The following DNM3 variants were observed in gnomAD, a reference collection of about 807,000 sequenced individuals.
The protein encoded by DNM3 is dynamin-3.
DNM3 carries 47 observed loss-of-function variants against 101.6 expected under a neutral mutation model. The ratio of observed to expected loss-of-function variants is 0.46; its 90% CI spans 0.37 to 0.59. The LOEUF is 0.59. DNM3 is among the 20% of genes least tolerant of loss of function. The probability of loss-of-function intolerance (pLI) is 0.00; values close to 1 mark genes in which losing one functional copy is unlikely to be tolerated. For synonymous variants in DNM3, 385 were observed against 387.9 expected, an observed-to-expected ratio of 0.99 and a Z score of 0.09; for missense variants, 849 against 1,085.7, an observed-to-expected ratio of 0.78 and a Z score of 3.06.
At chr1:171,887,038 A>T (rs1407784511) in intron 1 of DNM3, among the ~76,000 whole-genome samples, 1 of 152,230 alleles carries the variant, frequency 6.6e-6, no homozygotes, top group Admixed American at 6.5e-5. Flanking sequence ...AGGTAGATTT[A>T]TTAGGTAATT....
intron 13 of DNM3, among the ~76,000 whole-genome samples, chr1:172,096,338 C>T (rs78061573): frequency 0.019 from 2,866 of 152,246 alleles, 79 homozygotes; most frequent in East Asian, 0.13. Flanking sequence ...TAAGCACAAT[C>T]ATATTAACAT....
At chr1:172,091,416 C>A (rs1411886392) in intron 12 of DNM3, among the ~76,000 whole-genome samples, 1 of 151,994 alleles carries the variant, frequency 6.6e-6, no homozygotes, top group South Asian at 2.1e-4. Flanking sequence ...GGGAGGGATG[C>A]GGTTATAAAT....
chr1:172,088,409 A>G (rs1054750487), intron 12 of DNM3, among the ~76,000 whole-genome samples: 4 of 152,142 alleles, frequency 2.6e-5, no homozygotes, highest in Non-Finnish European at 5.9e-5. Context: ...TATGCATTTC[A>G]GGGAACTAAT....
At chr1:172,220,413 G>T (rs2148560957) in intron 14 of DNM3, among the ~76,000 whole-genome samples, 1 of 152,256 alleles carries the variant, frequency 6.6e-6, no homozygotes, top group East Asian at 1.9e-4. Context: ...TAAAAATATG[G>T]AGAATGGGGG....
At chr1:172,363,231 A>G (rs982787403) in intron 17 of DNM3, among the ~76,000 whole-genome samples, 1 of 151,910 alleles carries the variant, frequency 6.6e-6, no homozygotes, top group African/African-American at 2.4e-5. Flanking sequence ...ATTTTGTATG[A>G]AAGATTTCTA....
At chr1:171,893,402 A>T (rs1478963309) in intron 1 of DNM3, among the ~76,000 whole-genome samples, 1 of 151,974 alleles carries the variant, frequency 6.6e-6, no homozygotes, top group African/African-American at 2.4e-5. Context: ...CAAAACCTAT[A>T]AAGTAAGGTT....
intron 14 of DNM3, among the ~76,000 whole-genome samples, chr1:172,222,612 GA>G (rs956706893): frequency 6.6e-6 from 1 of 152,086 alleles, no homozygotes; most frequent in African/African-American, 2.4e-5. Context: ...CACATAAGAA[GA>G]AAAAATTGGA....
chr1:171,898,719 G>A (rs1355552259), intron 1 of DNM3, among the ~76,000 whole-genome samples: 1 of 150,464 alleles, frequency 6.6e-6, no homozygotes, highest in Non-Finnish European at 1.5e-5. Flanking sequence ...GAGAGAGAGA[G>A]AAATCATATT....
At chr1:172,318,401 A>G (rs1175018534) in intron 16 of DNM3, among the ~76,000 whole-genome samples, 1 of 152,164 alleles carries the variant, frequency 6.6e-6, no homozygotes, top group Non-Finnish European at 1.5e-5. Context: ...ATCAGGCAGG[A>G]GAAGGAAATA....
rs571803894 is a variant in DNM3, at chr1:171,861,081, C to T, written c.161+19264C>T. 2.2e-4 allele frequency among the ~76,000 whole-genome samples: 34 copies of T among 152,218 alleles called. No homozygotes were observed. In the South Asian group the frequency reaches 6.9e-3, roughly 31 times the overall value. On this transcript the variant is annotated intron_variant, in intron 1 of 20. Transcript: ENST00000627582. Reference sequence around the variant, plus strand: ...CTGCACACCAAAAACTATACAACATCATTGAAAGAAATTAAAGAAGACCAA... The same window carrying T: ...CTGCACACCAAAAACTATACAACATTATTGAAAGAAATTAAAGAAGACCAA...
At chr1:172,300,560 G>A (rs530203112) in intron 15 of DNM3, among the ~76,000 whole-genome samples, 2 of 152,072 alleles carry the variant, frequency 1.3e-5, no homozygotes, top group Non-Finnish European at 2.9e-5. Context: ...TAAGCAATGG[G>A]GAAAGGACTC....
At chr1:172,008,074 T>A (rs376253768) in intron 4 of DNM3, among the ~76,000 whole-genome samples, 213 of 152,282 alleles carry the variant, frequency 1.4e-3, no homozygotes, top group African/African-American at 4.7e-3. Flanking sequence ...GCTATTGAGT[T>A]GTTTGAGTTC....
chr1:172,407,016 A>C (rs1183588053), intron 20 of DNM3, among the ~76,000 whole-genome samples: 1 of 152,022 alleles, frequency 6.6e-6, no homozygotes, highest in African/African-American at 2.4e-5. Context: ...TTGAGGAATA[A>C]ATAAGTAATA....
At chr1:171,944,429 A>T (rs943222857) in intron 2 of DNM3, among the ~76,000 whole-genome samples, 3 of 150,608 alleles carry the variant, frequency 2.0e-5, no homozygotes, top group Non-Finnish European at 4.4e-5. Context: ...AGGCTGGAGT[A>T]TAGTGGCGGG....
chr1:172,056,471 T>A (rs1026138689), intron 10 of DNM3, among the ~76,000 whole-genome samples: 2 of 152,170 alleles, frequency 1.3e-5, no homozygotes, highest in African/African-American at 4.8e-5. Context: ...GAGCAGTGGT[T>A]CTTCCAGTAC....
intron 10 of DNM3, among the ~76,000 whole-genome samples, chr1:172,059,724 C>T (rs1288578938): frequency 7.2e-6 from 1 of 137,984 alleles, no homozygotes; most frequent in Admixed American, 7.5e-5. Flanking sequence ...CTATGACAAA[C>T]CCACAGCCAA....
intron 17 of DNM3, chr1:172,338,890 T>C: frequency 2.3e-6 from 1 of 440,016 alleles, no homozygotes; most frequent in Non-Finnish European, 4.6e-6. Flanking sequence ...CACACGTAAA[T>C]AGTAGAAAGT....
intron 14 of DNM3, among the ~76,000 whole-genome samples, chr1:172,232,400 G>A (rs1353566569): frequency 2.6e-5 from 4 of 152,136 alleles, no homozygotes; most frequent in Non-Finnish European, 4.4e-5. Flanking sequence ...AGTCCTGAGA[G>A]ACCTACAAAG....
intron 4 of DNM3, among the ~76,000 whole-genome samples, chr1:172,000,999 C>A (rs1572030106): frequency 6.6e-6 from 1 of 151,896 alleles, no homozygotes; most frequent in Non-Finnish European, 1.5e-5. Flanking sequence ...GAGATAAATG[C>A]AGGAGAATGG....
Sources: allele counts gnomAD v4.1 joint callset (sites outside exome capture counted in the v4.1 genomes callset), GRCh38; gene constraint gnomAD v4.1.1; transcripts MANE v1.5; gene names NCBI Gene and HGNC (gene_info 2026-07-23, HGNC 2026-07-21).